INPP4B: variants seen among roughly 807,000 people sequenced by gnomAD.
INPP4B encodes the protein inositol polyphosphate-4-phosphatase type II B.
A neutral mutation model predicts 122.5 loss-of-function variants in INPP4B; 55 were observed. That is an observed-to-expected ratio of 0.45 (90% CI 0.36 to 0.56). The LOEUF (loss-of-function observed/expected upper bound fraction) is 0.56, where lower values mean the gene tolerates loss of function less well. Ranked by LOEUF, INPP4B falls within the 20% of genes least tolerant of loss-of-function variation. The probability of loss-of-function intolerance (pLI) is 0.00; values close to 1 mark genes in which losing one functional copy is unlikely to be tolerated. For synonymous variants in INPP4B, 403 were observed against 388.7 expected, an observed-to-expected ratio of 1.04 and a Z score of -0.43; for missense variants, 1,000 against 1,097.7, an observed-to-expected ratio of 0.91 and a Z score of 1.26.
At chr4:142,097,435 T>A (rs975325688) in intron 23 of INPP4B, among the ~76,000 whole-genome samples, 1 of 151,640 alleles carries the variant, frequency 6.6e-6, no homozygotes, top group Non-Finnish European at 1.5e-5. Context: ...TTTGTATTTT[T>A]TAGTAGAGAG....
chr4:142,642,743 T>C (rs1347756298), intron 2 of INPP4B, among the ~76,000 whole-genome samples: 1 of 152,048 alleles, frequency 6.6e-6, no homozygotes, highest in African/African-American at 2.4e-5. Flanking sequence ...ATTGACTTGG[T>C]GATGCGGGCT....
At chr4:142,598,401 G>A (rs1739166928) in intron 2 of INPP4B, among the ~76,000 whole-genome samples, 2 of 152,158 alleles carry the variant, frequency 1.3e-5, no homozygotes, top group Admixed American at 1.3e-4. Flanking sequence ...TTAAGCAGCT[G>A]CAACTGGGCA....
intron 2 of INPP4B, among the ~76,000 whole-genome samples, chr4:142,537,425 TATATAGAGAG>T (rs1474138982): frequency 0.036 from 1,472 of 40,782 alleles, 14 homozygotes; most frequent in East Asian, 0.12. Context: ...TATATATATA[TATATAGAGAG>T]AGAGAGAGAG....
At chr4:142,448,427 C>G (rs1384393810) in intron 3 of INPP4B, among the ~76,000 whole-genome samples, 3 of 147,496 alleles carry the variant, frequency 2.0e-5, no homozygotes, top group Non-Finnish European at 4.5e-5. Context: ...CACGTCACAA[C>G]AATGTCACAA....
At chr4:142,164,826 G>T (rs1821912784) in intron 16 of INPP4B, among the ~76,000 whole-genome samples, 1 of 151,454 alleles carries the variant, frequency 6.6e-6, no homozygotes, top group Non-Finnish European at 1.5e-5. Context: ...TCAAACTCCT[G>T]GCCTTAAGTA....
At chr4:142,196,775 A>G (rs956869550) in intron 14 of INPP4B, among the ~76,000 whole-genome samples, 2 of 152,038 alleles carry the variant, frequency 1.3e-5, no homozygotes, top group African/African-American at 4.8e-5. Context: ...AAACATCTCA[A>G]GGCCATATTT....
chr4:142,165,357 T>G (rs1380704112), intron 16 of INPP4B, among the ~76,000 whole-genome samples: 1 of 151,702 alleles, frequency 6.6e-6, no homozygotes, highest in East Asian at 1.9e-4. Flanking sequence ...TCCTTACATT[T>G]CCACAGCTAG....
intron 7 of INPP4B, among the ~76,000 whole-genome samples, chr4:142,330,644 C>A (rs1205603531): frequency 6.6e-6 from 1 of 152,096 alleles, no homozygotes; most frequent in Non-Finnish European, 1.5e-5. Context: ...TTCCCTTAAG[C>A]CATTCAAAAG....
intron 5 of INPP4B, among the ~76,000 whole-genome samples, chr4:142,421,880 C>T (rs999501239): frequency 2.0e-5 from 3 of 152,036 alleles, no homozygotes; most frequent in East Asian, 1.9e-4. Flanking sequence ...CACAATCTGC[C>T]TGACATTATT....
intron 2 of INPP4B, among the ~76,000 whole-genome samples, chr4:142,470,494 A>C (rs1818613031): frequency 1.3e-5 from 2 of 152,168 alleles, no homozygotes; most frequent in Admixed American, 1.3e-4. Flanking sequence ...AGAACTCTAA[A>C]AGTGTTCCTA....
intron 2 of INPP4B, among the ~76,000 whole-genome samples, chr4:142,505,492 A>G (rs1209831637): frequency 6.6e-6 from 1 of 152,222 alleles, no homozygotes; most frequent in South Asian, 2.1e-4. Context: ...AAGACTCCCA[A>G]TGCATTTTTC....
chr4:142,070,754 A>C (rs987264838), intron 25 of INPP4B, among the ~76,000 whole-genome samples: 1 of 152,194 alleles, frequency 6.6e-6, no homozygotes, highest in Non-Finnish European at 1.5e-5. Context: ...CAAAGAGAAT[A>C]AAATACCTAG....
At chr4:142,146,030 G>A (rs762281635) in intron 17 of INPP4B, 34 bp from the exon 18 acceptor site, 2 of 1,581,630 alleles carry the variant, frequency 1.3e-6, no homozygotes, top group Non-Finnish European at 1.7e-6. Flanking sequence ...ACATATTTTT[G>A]TCACAAAAAC....
chr4:142,627,429 CA>C (rs1368839727), intron 2 of INPP4B, among the ~76,000 whole-genome samples: 2 of 144,646 alleles, frequency 1.4e-5, no homozygotes, highest in Admixed American at 7.1e-5. Flanking sequence ...TACGTCCCAT[CA>C]ATACCTAATT....
chr4:142,552,111 G>C (rs1728115028), intron 2 of INPP4B, among the ~76,000 whole-genome samples: 1 of 152,158 alleles, frequency 6.6e-6, no homozygotes, highest in Non-Finnish European at 1.5e-5. Flanking sequence ...AAAGTACTCT[G>C]AAATCACTCT....
chr4:142,747,843 G>T (rs1769006485), intron 1 of INPP4B, among the ~76,000 whole-genome samples: 1 of 151,358 alleles, frequency 6.6e-6, no homozygotes, highest in Non-Finnish European at 1.5e-5. Context: ...ATGCAGGAAG[G>T]GGAACATCAC....
At chr4:142,127,889 G>A (rs1049092908) in intron 18 of INPP4B, among the ~76,000 whole-genome samples, 1 of 152,118 alleles carries the variant, frequency 6.6e-6, no homozygotes, top group East Asian at 1.9e-4. Flanking sequence ...TGCAGTCAGT[G>A]TAAATCTCAG....
At chr4:142,448,700 G>A (rs1303863835) in intron 3 of INPP4B, among the ~76,000 whole-genome samples, 1 of 152,138 alleles carries the variant, frequency 6.6e-6, no homozygotes, top group East Asian at 1.9e-4. Flanking sequence ...AAACTACTTT[G>A]AAGGCTACCA....
At chr4:142,681,425 C>A (rs1211056242) in intron 2 of INPP4B, among the ~76,000 whole-genome samples, 1 of 151,854 alleles carries the variant, frequency 6.6e-6, no homozygotes, top group Non-Finnish European at 1.5e-5. Context: ...CTGAACCAAA[C>A]TAGACTTCAC....
Sources: gnomAD v4.1 joint callset for allele counts (sites outside exome capture counted in the v4.1 genomes callset) on GRCh38, gnomAD v4.1.1 for gene constraint, MANE v1.5 for transcripts, NCBI Gene and HGNC (gene_info 2026-07-23, HGNC 2026-07-21) for gene names.